SLC20A2: variants seen among roughly 807,000 people sequenced by gnomAD.
SLC20A2 encodes sodium-dependent phosphate transporter 2.
A neutral mutation model predicts 61.0 loss-of-function variants in SLC20A2; 30 were observed. That is an observed-to-expected ratio of 0.49 (90% confidence interval 0.37 to 0.67). The LOEUF is 0.67. Among genes scored for constraint, SLC20A2 ranks in the 30% least tolerant of loss-of-function variants. The probability of loss-of-function intolerance (pLI) is 0.00; values close to 1 mark genes in which losing one functional copy is unlikely to be tolerated. For missense variants in SLC20A2, 626 were observed against 866.4 expected (o/e 0.72, Z 3.48); for synonymous variants, 351 against 353.3 (o/e 0.99, Z 0.07).
intron 1 of SLC20A2, among the ~76,000 whole-genome samples, chr8:42,474,380 C>T (rs1807892004): frequency 6.6e-6 from 1 of 152,002 alleles, no homozygotes; most frequent in Admixed American, 6.6e-5. Context: ...GCTATAGGCA[C>T]ACAATGAAAC....
chr8:42,438,049 C>CT (rs1804442020), intron 7 of SLC20A2, among the ~76,000 whole-genome samples: 1 of 26,662 alleles, frequency 3.8e-5, no homozygotes, highest in Non-Finnish European at 9.5e-5. Context: ...ATGGTTACCA[C>CT]TAAAAAAAAA....
chr8:42,460,306 C>T (rs148736562), intron 4 of SLC20A2: 12 of 233,616 alleles, frequency 5.1e-5, no homozygotes, highest in Non-Finnish European at 9.5e-5. Flanking sequence ...CAAGCCGGTT[C>T]CGGAGGACCA....
chr8:42,456,347 T>C (rs2131135599), intron 5 of SLC20A2, among the ~76,000 whole-genome samples: 1 of 152,276 alleles, frequency 6.6e-6, no homozygotes, highest in South Asian at 2.1e-4. Flanking sequence ...TTTCACTGGC[T>C]CAGTCTCTTA....
At chr8:42,439,394 C>T in intron 7 of SLC20A2, 56 bp downstream of exon 7, 1 of 1,570,886 alleles carries the variant, frequency 6.4e-7, no homozygotes, top group Non-Finnish European at 8.7e-7. Flanking sequence ...AGCTGGTCCT[C>T]CCCAGGGAAC....
At chr8:42,425,284 A>G (rs1364532793) in intron 10 of SLC20A2, among the ~76,000 whole-genome samples, 3 of 152,176 alleles carry the variant, frequency 2.0e-5, no homozygotes, top group Non-Finnish European at 4.4e-5. Context: ...CTATGACTCT[A>G]TGTGGACATC....
At chr8:42,524,812 A>AAT (rs1165890283) in intron 1 of SLC20A2, among the ~76,000 whole-genome samples, 3 of 128,332 alleles carry the variant, frequency 2.3e-5, no homozygotes, top group South Asian at 2.5e-4. Flanking sequence ...TAAATAAATA[A>AAT]AAATAAAAAT....
At chr8:42,436,512 A>C (rs1377549098) in intron 8 of SLC20A2, among the ~76,000 whole-genome samples, 2 of 152,006 alleles carry the variant, frequency 1.3e-5, no homozygotes, top group East Asian at 3.9e-4. Context: ...GGCCCCTGTC[A>C]AATGTGCCCT....
chr8:42,541,046 T>C (rs906588924), intron 1 of SLC20A2: 1 of 152,164 alleles, frequency 6.6e-6, no homozygotes, highest in African/African-American at 2.4e-5. Flanking sequence ...TACACGTGAA[T>C]ATGAAAAGGG....
Position 42,437,151 on chromosome 8 carries a change from A to G in SLC20A2, c.1361T>C (p.Met454Thr), listed in dbSNP as rs1171980726. The G allele has an allele frequency of 1.9e-6, 3 of 1,613,704 alleles. No homozygotes were observed. The highest frequency in any genetic ancestry group is 2.2e-5 in the East Asian group (1 of 44,878). ...GTCGGCCAGCTCCGACGCCAGCTTC[A>G]TCTCCACGCCGCCCTCCTCCGCCTC... is the stretch of plus-strand genomic sequence containing the variant. ...EIEAEEGGVE[M>T]KLASELADPD... The change falls in exon 8 of 11, where the codon ATG becomes ACG. Residue 454 changes from methionine (M) to threonine (T), a missense_variant. This residue lies in a region of SLC20A2 where 361 missense variants were observed against 422.3 expected (regional missense o/e 0.85). Coordinates refer to ENST00000520262, the MANE Select transcript of SLC20A2 (RefSeq NM_001257180.2). The surrounding 1 kb of genome is among the most constrained non-coding windows in gnomAD (Gnocchi z 6.4).
intron 8 of SLC20A2, among the ~76,000 whole-genome samples, chr8:42,432,766 A>G (rs1803959875): frequency 6.6e-6 from 1 of 152,236 alleles, no homozygotes; most frequent in Non-Finnish European, 1.5e-5. Context: ...GAATTGCTGA[A>G]TGTTCACAGG....
chr8:42,486,351 C>T (rs979199599), intron 1 of SLC20A2, among the ~76,000 whole-genome samples: 5 of 152,012 alleles, frequency 3.3e-5, no homozygotes, highest in Admixed American at 6.6e-5. Context: ...TACAGGTGTG[C>T]GACACTGTGC....
At chr8:42,434,260 T>G (rs1012745370) in intron 8 of SLC20A2, among the ~76,000 whole-genome samples, 2 of 152,214 alleles carry the variant, frequency 1.3e-5, no homozygotes, top group African/African-American at 4.8e-5. Context: ...CTAATTTTTG[T>G]ATTTTTAGTA....
intron 3 of SLC20A2, among the ~76,000 whole-genome samples, chr8:42,464,092 CTTTTTTTTTTTTTTTTTTT>C (rs1170751054): frequency 4.9e-4 from 10 of 20,540 alleles, no homozygotes; most frequent in South Asian, 4.0e-3. Context: ...GCTGGATGAT[CTTTTTTTTTTTTTTTTTTT>C]TTTTTTTTTT....
chr8:42,448,106 C>G (rs900786276), intron 5 of SLC20A2, among the ~76,000 whole-genome samples: 2 of 152,238 alleles, frequency 1.3e-5, no homozygotes, highest in African/African-American at 4.8e-5. Flanking sequence ...TCGAATGGTA[C>G]CCGCTCTTTA....
rs1240338534 is a variant in SLC20A2, at chr8:42,491,342, T to C, written c.-265+9689A>G. Among the ~76,000 whole-genome samples, 4 of 152,026 alleles carry C rather than the reference T, an allele frequency of 2.6e-5. No individual in the cohort carries two copies. In the East Asian group the frequency reaches 5.8e-4, roughly 22 times the overall value. ...GCCTGGCCAACAGTGAAACCCCGTCTCTACTAAAAAAAATTTGCCAGGCAT... is the reference window on the plus strand; with the variant it reads ...GCCTGGCCAACAGTGAAACCCCGTCCCTACTAAAAAAAATTTGCCAGGCAT... On this transcript the variant is annotated intron_variant, in intron 1 of 10. Coordinates refer to ENST00000520262, the MANE Select transcript of SLC20A2 (RefSeq NM_001257180.2).
intron 10 of SLC20A2, among the ~76,000 whole-genome samples, chr8:42,422,097 G>C (rs1364145250): frequency 6.6e-6 from 1 of 152,120 alleles, no homozygotes; most frequent in Non-Finnish European, 1.5e-5. Flanking sequence ...CTGTCGCCCA[G>C]GCTGGAGTGC....
chr8:42,537,526 CA>C (rs1341408940), intron 1 of SLC20A2: 1 of 151,906 alleles, frequency 6.6e-6, no homozygotes, highest in African/African-American at 2.4e-5. Context: ...GTAAGATATC[CA>C]GTGTCATTCA....
intron 5 of SLC20A2, among the ~76,000 whole-genome samples, chr8:42,455,257 T>TATATATATATATATATATATATAG (rs1357416749): frequency 1.2e-5 from 1 of 81,622 alleles, no homozygotes; most frequent in African/African-American, 4.4e-5. Context: ...TATATATATA[T>TATATATATATATATATATATATAG]AGAGAGAGAG....
chr8:42,518,932 C>G (rs570679701), intron 1 of SLC20A2, among the ~76,000 whole-genome samples: 1 of 152,220 alleles, frequency 6.6e-6, no homozygotes, highest in Non-Finnish European at 1.5e-5. Flanking sequence ...AATGTGTCCA[C>G]CATTCACAAG....
Sources: gnomAD v4.1 joint callset for allele counts (sites outside exome capture counted in the v4.1 genomes callset) on GRCh38, gnomAD v4.1.1 for gene constraint, gnomAD v4.1.1 regional missense constraint, Gnocchi (gnomAD v3.1) non-coding constraint, MANE v1.5 for transcripts, NCBI Gene and HGNC (gene_info 2026-07-23, HGNC 2026-07-21) for gene names.